The following GABRA5 variants were observed in gnomAD, a reference collection of about 807,000 sequenced individuals.
GABRA5 encodes the protein gamma-aminobutyric acid receptor subunit alpha-5.
In GABRA5, 18 loss-of-function variants were observed where a neutral mutation model predicts 47.3. The observed-to-expected ratio is 0.38, with a 90% CI of 0.26 to 0.56. GABRA5 has a LOEUF of 0.56. Among genes scored for constraint, GABRA5 ranks in the 20% least tolerant of loss-of-function variants. The pLI, the probability that GABRA5 is intolerant of heterozygous loss-of-function variation, is 0.71. For synonymous variants in GABRA5, 237 were observed against 229.3 expected, an observed-to-expected ratio of 1.03 and a Z score of -0.30; for missense variants, 365 against 599.3, an observed-to-expected ratio of 0.61 and a Z score of 4.08.
At chr15:26,877,001 C>T (rs1459686691) in intron 3 of GABRA5, among the ~76,000 whole-genome samples, 2 of 152,148 alleles carry the variant, frequency 1.3e-5, no homozygotes, top group Non-Finnish European at 1.5e-5. Flanking sequence ...CAGCAGGATT[C>T]TGAGTTGGGC....
At chr15:26,917,237 A>T (rs1290184895) in intron 7 of GABRA5, among the ~76,000 whole-genome samples, 1 of 152,052 alleles carries the variant, frequency 6.6e-6, no homozygotes, top group Admixed American at 6.6e-5. Context: ...TATCATATTG[A>T]GGTAATTTTC....
intron 7 of GABRA5, among the ~76,000 whole-genome samples, chr15:26,921,351 G>C (rs566947496): frequency 6.6e-6 from 1 of 151,966 alleles, no homozygotes; most frequent in African/African-American, 2.4e-5. Context: ...GGTAAATTGC[G>C]CTTTTTGAGA....
chr15:26,893,277 G>A (rs1011664035), intron 6 of GABRA5, among the ~76,000 whole-genome samples: 71 of 51,000 alleles, frequency 1.4e-3, no homozygotes, highest in African/African-American at 4.5e-3. Flanking sequence ...TGGTGTGTGT[G>A]TATGGCATAT....
intron 7 of GABRA5, among the ~76,000 whole-genome samples, chr15:26,928,810 C>T (rs1334667183): frequency 1.3e-5 from 2 of 152,260 alleles, no homozygotes; most frequent in East Asian, 3.9e-4. Flanking sequence ...GATCAAGTTA[C>T]CAACAGTTTC....
chr15:26,914,192 G>T (rs1288249716), intron 6 of GABRA5, among the ~76,000 whole-genome samples: 1 of 152,150 alleles, frequency 6.6e-6, no homozygotes, highest in Non-Finnish European at 1.5e-5. Context: ...TGTACCAGAA[G>T]ATTGTTATGA....
chr15:26,905,812 C>T lies in GABRA5; in HGVS notation c.498-8991C>T, dbSNP rs145949990. ...CTTTACTTCAGTTGTTGTTTTTTTT[C>T]ACCTCCAGAATTTTTTTGGTTCTTT... On this transcript the variant is annotated intron_variant, in intron 6 of 10. Transcript: ENST00000335625. 2.6e-5 allele frequency among the ~76,000 whole-genome samples: 4 copies of T among 151,750 alleles called. No individual in the cohort carries two copies. The East Asian group carries it at 7.7e-4, about 29-fold the overall frequency.
chr15:26,870,422 A>G (rs1487444787), intron 3 of GABRA5, among the ~76,000 whole-genome samples: 1 of 152,198 alleles, frequency 6.6e-6, no homozygotes, highest in African/African-American at 2.4e-5. Context: ...CCCCGGGGCA[A>G]GCCTGAGCCA....
intron 6 of GABRA5, among the ~76,000 whole-genome samples, chr15:26,890,290 A>G (rs1440921233): frequency 3.3e-5 from 5 of 152,104 alleles, no homozygotes; most frequent in Non-Finnish European, 7.4e-5. Flanking sequence ...GAGACCACCT[A>G]TTACTTCCTC....
rs745389418 is a variant in GABRA5, at chr15:26,869,243, T to C, written c.-6T>C. ...TCACCTGCTTCAACTACTATTCTTA[T>C]TGGGAATGGACAATGGAATGTTCTC... On this transcript the variant is annotated 5_prime_UTR_variant, in exon 3 of 11. Transcript: ENST00000335625. The C allele has an allele frequency of 1.3e-6, 2 of 1,554,196 alleles. No individual in the cohort carries two copies. The highest frequency in any genetic ancestry group is 2.2e-5 in the South Asian group (2 of 89,766).
At position 26,935,351 on chromosome 15, in the gene GABRA5, T is replaced by C. The variant is rs555867159; in HGVS notation, c.581-1834T>C. Reference sequence around the variant, plus strand: ...TTATATGTCACTCAGTGATTCTAGGTATCTTTCATCCTTACAATGATTATT... The same window carrying C: ...TTATATGTCACTCAGTGATTCTAGGCATCTTTCATCCTTACAATGATTATT... On this transcript the variant is annotated intron_variant, in intron 7 of 10. Coordinates refer to ENST00000335625, the MANE Select transcript of GABRA5 (RefSeq NM_000810.4). Among the ~76,000 whole-genome samples, 5 of 152,372 alleles carry C rather than the reference T, an allele frequency of 3.3e-5. No homozygotes were observed. In the South Asian group the frequency reaches 1.0e-3, roughly 32 times the overall value.
intron 9 of GABRA5, among the ~76,000 whole-genome samples, chr15:26,940,415 G>C (rs570814218): frequency 6.6e-6 from 1 of 152,260 alleles, no homozygotes; most frequent in Admixed American, 6.5e-5. Flanking sequence ...CTTGGGACCG[G>C]AAGTGTTTCA....
chr15:26,933,124 C>T (rs1237196630), intron 7 of GABRA5, among the ~76,000 whole-genome samples: 1 of 149,972 alleles, frequency 6.7e-6, no homozygotes, highest in African/African-American at 2.5e-5. Context: ...AAGTAGCAGG[C>T]AGTGTGAGTG....
intron 4 of GABRA5, among the ~76,000 whole-genome samples, chr15:26,882,492 G>A (rs1487412213): frequency 7.2e-5 from 11 of 152,206 alleles, no homozygotes; most frequent in Non-Finnish European, 1.3e-4. Context: ...GGGACTTACA[G>A]GGCTGTGGTA....
chr15:26,875,353 G>GCT (rs1415195340), intron 3 of GABRA5, among the ~76,000 whole-genome samples: 1 of 152,202 alleles, frequency 6.6e-6, no homozygotes, highest in Non-Finnish European at 1.5e-5. Context: ...TGTGGACCAT[G>GCT]CTCTCACCAT....
At chr15:26,873,122 AC>A (rs1233253007) in intron 3 of GABRA5, among the ~76,000 whole-genome samples, 1 of 152,224 alleles carries the variant, frequency 6.6e-6, no homozygotes, top group African/African-American at 2.4e-5. Flanking sequence ...TACTTGAAGT[AC>A]TATATTTATT....
intron 7 of GABRA5, among the ~76,000 whole-genome samples, chr15:26,935,619 G>A (rs142108549): frequency 0.035 from 5,346 of 152,306 alleles, 114 homozygotes; most frequent in Middle Eastern, 0.061. Flanking sequence ...TCCCCAGTCC[G>A]ATTGAGGAAA....
intron 9 of GABRA5, among the ~76,000 whole-genome samples, chr15:26,940,918 G>C (rs544738715): frequency 6.6e-6 from 1 of 152,218 alleles, no homozygotes; most frequent in African/African-American, 2.4e-5. Context: ...CCAGTCAGTC[G>C]TGATCCTGGA....
intron 6 of GABRA5, among the ~76,000 whole-genome samples, chr15:26,893,724 G>A (rs1241435252): frequency 6.6e-6 from 1 of 152,030 alleles, no homozygotes; most frequent in African/African-American, 2.4e-5. Flanking sequence ...GTGGGCGAGG[G>A]GCTGAGTCTG....
intron 6 of GABRA5, among the ~76,000 whole-genome samples, chr15:26,888,251 C>T (rs1403482044): frequency 6.6e-6 from 1 of 152,234 alleles, no homozygotes; most frequent in Non-Finnish European, 1.5e-5. Flanking sequence ...TTCTCAGAAT[C>T]AGCCCAAAGA....
Sources: allele counts gnomAD v4.1 joint callset (sites outside exome capture counted in the v4.1 genomes callset), GRCh38; gene constraint gnomAD v4.1.1; transcripts MANE v1.5; gene names NCBI Gene and HGNC (gene_info 2026-07-23, HGNC 2026-07-21).